Variants in TTC21B observed in about 807,000 individuals in gnomAD.
The protein encoded by TTC21B is tetratricopeptide repeat protein 21B.
A neutral mutation model predicts 175.1 loss-of-function variants in TTC21B; 127 were observed. The ratio of observed to expected loss-of-function variants is 0.73; its 90% CI spans 0.63 to 0.84. The LOEUF is 0.84. Among genes scored for constraint, TTC21B ranks in the 40% least tolerant of loss-of-function variants. The pLI is 0.00. For synonymous variants in TTC21B, 524 were observed against 524.5 expected, an observed-to-expected ratio of 1.00 and a Z score of 0.01; for missense variants, 1,561 against 1,558.3, an observed-to-expected ratio of 1.00 and a Z score of -0.03.
intron 25 of TTC21B, among the ~76,000 whole-genome samples, chr2:165,884,291 CTT>C (rs1275183555): frequency 2.0e-5 from 3 of 152,264 alleles, no homozygotes; most frequent in Admixed American, 2.0e-4. Context: ...ATTAGTGAGA[CTT>C]TATCTTTAAT....
chr2:165,899,299 G>C (rs546261107), intron 21 of TTC21B, among the ~76,000 whole-genome samples: 23 of 152,040 alleles, frequency 1.5e-4, no homozygotes, highest in Non-Finnish European at 2.8e-4. Context: ...TGTCTGCAAA[G>C]CTAACAAATA....
At position 165,941,071 on chromosome 2, in the gene TTC21B, T is replaced by C. The variant is rs766115226; in HGVS notation, c.666A>G (p.Gln222=). 1 of 1,613,984 alleles carries C rather than the reference T, an allele frequency of 6.2e-7. No individual in the cohort carries two copies. The highest frequency in any genetic ancestry group is 8.5e-7 in the Non-Finnish European group (1 of 1,179,880). ...TCTGGTCCCAATCCTGCAAGGCTAG[T>C]TGTAATTTCATTTTCTTAACAAAAG... The part of the protein sequence containing the change: ...LPAFVKKMKL[Q]LALQDWDQTV... Residue 222 remains glutamine, a synonymous_variant, in exon 6 of 29, where the codon CAA becomes CAG. Coordinates refer to ENST00000243344, the MANE Select transcript of TTC21B (RefSeq NM_024753.5).
At chr2:165,897,673 C>T (rs1685415836) in intron 22 of TTC21B, among the ~76,000 whole-genome samples, 2 of 152,080 alleles carry the variant, frequency 1.3e-5, no homozygotes, top group Non-Finnish European at 2.9e-5. Context: ...TAAAGCCACG[C>T]ACCTGGACAA....
In TTC21B at chr2:165,887,865, T is replaced by C. The variant is rs527817860; in HGVS notation, c.3459+414A>G. On this transcript the variant is annotated intron_variant, in intron 25 of 28. Coordinates refer to ENST00000243344, the MANE Select transcript of TTC21B (RefSeq NM_024753.5). ...TTATAAGCTATCAGTATTGATCTCA[T>C]GTAGCTATATAGCTGGAAAAATTCC... Among the ~76,000 whole-genome samples, 38 of 152,322 alleles carry C rather than the reference T, an allele frequency of 2.5e-4. 1 individual carries two copies. In the South Asian group the frequency reaches 7.7e-3, roughly 31 times the overall value.
intron 19 of TTC21B, among the ~76,000 whole-genome samples, chr2:165,907,087 G>A (rs1354589742): frequency 6.6e-6 from 1 of 150,560 alleles, no homozygotes; most frequent in African/African-American, 2.4e-5. Context: ...TTATATCAAA[G>A]TGACATTTAT....
chr2:165,891,598 C>A (rs1320135810), intron 22 of TTC21B, among the ~76,000 whole-genome samples: 2 of 151,952 alleles, frequency 1.3e-5, no homozygotes, highest in East Asian at 3.9e-4. Context: ...TTCATTCATT[C>A]ATTCATTCAT....
chr2:165,922,312 A>AT (rs985001105), intron 12 of TTC21B, among the ~76,000 whole-genome samples: 17 of 151,744 alleles, frequency 1.1e-4, no homozygotes, highest in African/African-American at 3.1e-4. Flanking sequence ...CATCATCTAA[A>AT]TTTTTTTTAA....
In TTC21B at chr2:165,929,895, G is replaced by T. The variant is rs1490891690; in HGVS notation, c.1088-148C>A. On this transcript the variant is annotated intron_variant, in intron 9 of 28. Transcript: ENST00000243344. ...TAAAAACAACAGAAAGAAAGAAAAT[G>T]AAGAGTGAAAGAAAATAAAATGGGT... 4.2e-6 allele frequency: 3 copies of T among 714,732 alleles called. No individual in the cohort carries two copies. In the East Asian group the frequency reaches 8.1e-5, roughly 19 times the overall value. The allele number at this position is 714,732 out of a possible 1,614,324, so 44.3% of individuals were successfully genotyped here. A position where few individuals can be genotyped will look rare whatever the true frequency, so the allele number is the denominator to read the frequency against.
chr2:165,894,803 G>A (rs1336344796), intron 22 of TTC21B, among the ~76,000 whole-genome samples: 1 of 152,202 alleles, frequency 6.6e-6, no homozygotes, highest in Non-Finnish European at 1.5e-5. Flanking sequence ...GGAATATGGT[G>A]TGATCCCTGA....
At position 165,953,729 on chromosome 2, in the gene TTC21B, G is replaced by C. The variant is rs554218980; in HGVS notation, c.-24C>G. On this transcript the variant is annotated 5_prime_UTR_variant, in exon 1 of 29. Transcript: ENST00000243344. ...ATGGCTGCCCCGAGGCCGGGCCGCG[G>C]GGCTCTGGGGATTGTCTCGCCGCAG... is the stretch of plus-strand genomic sequence containing the variant. The C allele has an allele frequency of 2.6e-6, 4 of 1,546,334 alleles. No individual in the cohort carries two copies. Among genetic ancestry groups the C allele is most frequent in the Non-Finnish European group, 3.5e-6 (4 of 1,146,308 alleles).
chr2:165,931,856 C>A lies in TTC21B; in HGVS notation c.796G>T (p.Ala266Ser). The part of the protein sequence containing the change: ...YVCREGDIEK[A>S]STKLENLGNT... ...CCCAAGTTTTCCAGCTTGGTGGAAG[C>A]CTAAAACAAAAGGAACTGGTATTAA... is the stretch of plus-strand genomic sequence containing the variant. Residue 266 changes from alanine (A) to serine (S), a missense_variant and splice_region_variant, in exon 8 of 29, where the codon GCT (alanine) becomes TCT (serine). Physicochemically the swap from Ala to Ser is moderately conservative, Grantham distance 99. Transcript: ENST00000243344. 6.2e-7 allele frequency: 1 copy of A among 1,608,166 alleles called. No individual in the cohort carries two copies. Among genetic ancestry groups the A allele is most frequent in the South Asian group, 1.1e-5 (1 of 90,960 alleles).
At chr2:165,880,562 C>A in intron 27 of TTC21B, 117 bp downstream of exon 27, 26 of 1,072,264 alleles carry the variant, frequency 2.4e-5, no homozygotes, top group Non-Finnish European at 3.5e-5. Flanking sequence ...GAAAGGTTGA[C>A]AATGAAAATT....
chr2:165,915,082 A>T (rs1228105789), intron 15 of TTC21B, 119 bp downstream of exon 15: 1 of 846,432 alleles, frequency 1.2e-6, no homozygotes, highest in Non-Finnish European at 2.0e-6. Context: ...TCAGGACCAC[A>T]TTCAGAAAAC....
At position 165,883,824 on chromosome 2, in the gene TTC21B, G is replaced by GTC. The variant is rs1269227434; in HGVS notation, c.3652_3653dup (p.Asp1218GlufsTer4). On this transcript the variant is annotated frameshift_variant, in exon 26 of 29. Transcript: ENST00000243344. LOFTEE classifies it high-confidence loss of function. Reference sequence around the variant, plus strand: ...TATGACGCAGGCACCGTTTTAACAGGTCTTCTGCCATGTCATATTTTGCTG... The same window carrying GTC: ...TATGACGCAGGCACCGTTTTAACAGGTCTCTTCTGCCATGTCATATTTTGCTG... The GTC allele has an allele frequency of 6.2e-7, 1 of 1,613,830 alleles. No individual in the cohort carries two copies. Among genetic ancestry groups the GTC allele is most frequent in the African/African-American group, 1.3e-5 (1 of 74,890 alleles).
chr2:165,888,542 A>G, intron 24 of TTC21B, 68 bp from the exon 25 acceptor site: 3 of 1,309,600 alleles, frequency 2.3e-6, no homozygotes, highest in Non-Finnish European at 3.2e-6. Flanking sequence ...GATTAGAATC[A>G]GCTTTTGTAC....
rs1686693864 is a variant in TTC21B, at chr2:165,927,249, TATATATATATATCCTAGTAGTTA to T, written c.1386+1863_1386+1885del. On this transcript the variant is annotated intron_variant, in intron 11 of 28. Coordinates refer to ENST00000243344, the MANE Select transcript of TTC21B (RefSeq NM_024753.5). ...ATATATATATATATCCTAGTAGTTA[TATATATATATATCCTAGTAGTTA>T]TATATATATATATCCTAGTAGTTAT... Among the ~76,000 whole-genome samples the T allele has an allele frequency of 5.0e-5, 4 of 80,154 alleles. 1 individual carries two copies. In the Admixed American group the frequency reaches 8.1e-4, roughly 16 times the overall value. The allele number at this position is 80,154 out of a possible 152,430, so 52.6% of individuals were successfully genotyped here.
intron 6 of TTC21B, among the ~76,000 whole-genome samples, chr2:165,934,516 A>G (rs1443503540): frequency 6.8e-6 from 1 of 147,754 alleles, no homozygotes; most frequent in African/African-American, 2.5e-5. Context: ...AAAAAAAAAA[A>G]AAAAAGAAAA....
rs1441487296 is a variant in TTC21B at position 165,873,473 on chromosome 2, G to C, written c.*1282C>G. Reference sequence around the variant, plus strand: ...GATGAGAAATTAAAAATAATGCTAAGGATTAAGTTTAGATTAGGTTAAATT... The same window carrying C: ...GATGAGAAATTAAAAATAATGCTAACGATTAAGTTTAGATTAGGTTAAATT... On this transcript the variant is annotated 3_prime_UTR_variant, in exon 29 of 29. Coordinates refer to ENST00000243344, the MANE Select transcript of TTC21B (RefSeq NM_024753.5). The C allele has an allele frequency of 6.6e-6, 1 of 152,138 alleles. No homozygotes were observed. The highest frequency in any genetic ancestry group is 1.5e-5 in the Non-Finnish European group (1 of 68,026). 9.4% of individuals were successfully genotyped at this position (152,138 alleles called of 1,614,324 possible).
chr2:165,943,567 A>G (rs1359936556), intron 4 of TTC21B, among the ~76,000 whole-genome samples: 3 of 152,186 alleles, frequency 2.0e-5, no homozygotes, highest in Middle Eastern at 3.2e-3. Flanking sequence ...ATTAAGCTCA[A>G]TATTAAAATT....
Sources: gnomAD v4.1 joint callset for allele counts (sites outside exome capture counted in the v4.1 genomes callset) on GRCh38, gnomAD v4.1.1 for gene constraint, MANE v1.5 for transcripts, NCBI Gene and HGNC (gene_info 2026-07-23, HGNC 2026-07-21) for gene names.